The following LDB2 variants were observed in gnomAD, a reference collection of about 807,000 sequenced individuals.
The protein encoded by LDB2 is LIM domain-binding protein 2.
Under a neutral mutation model 44.3 loss-of-function variants are expected in LDB2, and 12 were observed. The observed-to-expected ratio is 0.27, with a 90% CI of 0.17 to 0.44. LDB2 has a LOEUF of 0.44. Among genes scored for constraint, LDB2 ranks in the 20% least tolerant of loss-of-function variants. The pLI is 1.00. For synonymous variants in LDB2, 164 were observed against 174.8 expected (o/e 0.94, Z 0.49); for missense variants, 344 against 473.5 (o/e 0.73, Z 2.54).
intron 2 of LDB2, among the ~76,000 whole-genome samples, chr4:16,653,135 G>A (rs1738774961): frequency 6.6e-6 from 1 of 152,116 alleles, no homozygotes. Flanking sequence ...TTGTTGCAGG[G>A]GCCCTGCAGC....
intron 1 of LDB2, among the ~76,000 whole-genome samples, chr4:16,892,491 GTAGTATC>G (rs1723701741): frequency 6.6e-6 from 1 of 152,214 alleles, no homozygotes; most frequent in Non-Finnish European, 1.5e-5. Flanking sequence ...GAAGGTATTT[GTAGTATC>G]TACATCCTTT....
In LDB2 at chr4:16,865,257, A is replaced by C. The variant is rs572085959; in HGVS notation, c.132+33097T>G. ...ACAGAGCTAGGCTCTATCTCAAAAA[A>C]AGAAAGAAACAAAGAGCCCATACCT... On this transcript the variant is annotated intron_variant, in intron 1 of 7. Transcript: ENST00000304523. Among the ~76,000 whole-genome samples, 19 of 152,304 alleles carry C rather than the reference A, an allele frequency of 1.2e-4. No homozygotes were observed. In the South Asian group the frequency reaches 3.9e-3, roughly 32 times the overall value.
chr4:16,593,923 A>G (rs1355290979), intron 3 of LDB2, among the ~76,000 whole-genome samples: 1 of 152,214 alleles, frequency 6.6e-6, no homozygotes, highest in Non-Finnish European at 1.5e-5. Context: ...GTTCAGCACT[A>G]AACTTTCAGA....
intron 5 of LDB2, among the ~76,000 whole-genome samples, chr4:16,553,448 C>CA (rs1273819517): frequency 2.6e-5 from 4 of 152,168 alleles, no homozygotes; most frequent in Non-Finnish European, 2.9e-5. Context: ...AGGCATGGGC[C>CA]ACTGCACCTG....
intron 2 of LDB2, among the ~76,000 whole-genome samples, chr4:16,668,462 C>CT (rs1332528219): frequency 6.6e-6 from 1 of 152,192 alleles, no homozygotes; most frequent in East Asian, 1.9e-4. Flanking sequence ...CTCTTCCCTT[C>CT]TTTTACATTT....
At chr4:16,864,750 C>A (rs992128215) in intron 1 of LDB2, among the ~76,000 whole-genome samples, 3 of 151,772 alleles carry the variant, frequency 2.0e-5, no homozygotes, top group African/African-American at 7.3e-5. Flanking sequence ...TATGGTGAAA[C>A]CCTGTCTCTA....
At chr4:16,612,593 A>G (rs1456369692) in intron 2 of LDB2, among the ~76,000 whole-genome samples, 1 of 151,968 alleles carries the variant, frequency 6.6e-6, no homozygotes, top group African/African-American at 2.4e-5. Context: ...CCTCTAAACA[A>G]ATAAACTAGA....
At chr4:16,826,886 C>A (rs1783150128) in intron 1 of LDB2, among the ~76,000 whole-genome samples, 1 of 152,040 alleles carries the variant, frequency 6.6e-6, no homozygotes, top group Non-Finnish European at 1.5e-5. Flanking sequence ...AGTGAGGCAT[C>A]AAGACTGACA....
chr4:16,622,780 TG>T (rs1330338752), intron 2 of LDB2, among the ~76,000 whole-genome samples: 1 of 152,202 alleles, frequency 6.6e-6, no homozygotes, highest in Non-Finnish European at 1.5e-5. Context: ...CATTTGCTTA[TG>T]GGGGAAACAC....
chr4:16,603,511 G>C (rs1001485687), intron 2 of LDB2, among the ~76,000 whole-genome samples: 7 of 152,136 alleles, frequency 4.6e-5, no homozygotes, highest in Non-Finnish European at 1.5e-5. Context: ...ATCTCATCTG[G>C]ATGAGCTACT....
intron 2 of LDB2, among the ~76,000 whole-genome samples, chr4:16,614,588 A>C (rs149580027): frequency 0.33 from 48,437 of 146,796 alleles, 7,751 homozygotes; most frequent in East Asian, 0.56. Flanking sequence ...AACAAAAAAA[A>C]AAAAAAAAAA....
chr4:16,578,919 T>C (rs1418146689), intron 5 of LDB2, among the ~76,000 whole-genome samples: 5 of 152,218 alleles, frequency 3.3e-5, no homozygotes, highest in Non-Finnish European at 4.4e-5. Flanking sequence ...AAGGTCATTA[T>C]ATTAAGTGAA....
chr4:16,681,497 A>C (rs1747846155), intron 2 of LDB2, among the ~76,000 whole-genome samples: 1 of 152,170 alleles, frequency 6.6e-6, no homozygotes, highest in Non-Finnish European at 1.5e-5. Context: ...TACAAAACTG[A>C]AAGATAATAC....
intron 2 of LDB2, among the ~76,000 whole-genome samples, chr4:16,732,066 A>G (rs910866720): frequency 1.3e-5 from 2 of 152,092 alleles, no homozygotes; most frequent in Non-Finnish European, 2.9e-5. Context: ...TAACCTATCA[A>G]TCTCAAGTTG....
intron 1 of LDB2, among the ~76,000 whole-genome samples, chr4:16,883,126 A>G (rs1235485715): frequency 6.6e-6 from 1 of 152,254 alleles, no homozygotes; most frequent in Admixed American, 6.5e-5. Context: ...TTGTGCCGAA[A>G]GGCAAGACAC....
intron 2 of LDB2, among the ~76,000 whole-genome samples, chr4:16,708,911 T>C (rs1251938396): frequency 6.6e-6 from 1 of 152,172 alleles, no homozygotes; most frequent in Non-Finnish European, 1.5e-5. Context: ...CTCCTCACTC[T>C]GCAGGTCTCT....
intron 1 of LDB2, among the ~76,000 whole-genome samples, chr4:16,798,674 T>G (rs1162063573): frequency 6.6e-6 from 1 of 152,172 alleles, no homozygotes; most frequent in Non-Finnish European, 1.5e-5. Context: ...TGGCCTTCTC[T>G]GTAAGAACAG....
At chr4:16,754,988 G>A (rs1766230453) in intron 2 of LDB2, among the ~76,000 whole-genome samples, 1 of 152,148 alleles carries the variant, frequency 6.6e-6, no homozygotes, top group Admixed American at 6.5e-5. Flanking sequence ...CTGCTGAGAT[G>A]GGCCTCAGGA....
intron 1 of LDB2, among the ~76,000 whole-genome samples, chr4:16,891,655 A>T (rs1182009080): frequency 6.6e-6 from 1 of 152,048 alleles, no homozygotes; most frequent in Non-Finnish European, 1.5e-5. Context: ...TTTTTTGTTC[A>T]GTACCCAGGG....
Sources: gnomAD v4.1 joint callset for allele counts (sites outside exome capture counted in the v4.1 genomes callset) on GRCh38, gnomAD v4.1.1 for gene constraint, MANE v1.5 for transcripts, NCBI Gene and HGNC (gene_info 2026-07-23, HGNC 2026-07-21) for gene names.